Variants in KCNH5 observed in about 807,000 individuals in gnomAD.
The protein encoded by KCNH5 is potassium voltage-gated channel subfamily H member 5.
In KCNH5, 46 loss-of-function variants were observed where a neutral mutation model predicts 96.1. That is an observed-to-expected ratio of 0.48 (90% CI 0.38 to 0.61). The LOEUF is 0.61. Among genes scored for constraint, KCNH5 ranks in the 20% least tolerant of loss-of-function variants. The probability of loss-of-function intolerance (pLI) is 0.00; values close to 1 mark genes in which losing one functional copy is unlikely to be tolerated. For synonymous variants in KCNH5, 439 were observed against 449.8 expected, an observed-to-expected ratio of 0.98 and a Z score of 0.30; for missense variants, 907 against 1,225.8, an observed-to-expected ratio of 0.74 and a Z score of 3.88.
chr14:62,829,669 G>T (rs2140026193), intron 8 of KCNH5, among the ~76,000 whole-genome samples: 1 of 152,260 alleles, frequency 6.6e-6, no homozygotes, highest in Non-Finnish European at 1.5e-5. Context: ...CACTAAACCA[G>T]TTTTCCCTCC....
chr14:62,882,079 A>C (rs1477464233), intron 7 of KCNH5, among the ~76,000 whole-genome samples: 1 of 144,620 alleles, frequency 6.9e-6, no homozygotes, highest in Non-Finnish European at 1.5e-5. Flanking sequence ...GCCTGGGCTA[A>C]CATAGAGAAA....
At chr14:62,826,408 ATGTG>A (rs71451280) in intron 8 of KCNH5, among the ~76,000 whole-genome samples, 5,186 of 142,034 alleles carry the variant, frequency 0.037, 90 homozygotes, top group South Asian at 0.061. Flanking sequence ...GCGTGCGTGC[ATGTG>A]TGTGTGTGTG....
chr14:62,836,563 T>TTAA (rs1296686762), intron 8 of KCNH5, among the ~76,000 whole-genome samples: 1 of 152,130 alleles, frequency 6.6e-6, no homozygotes, highest in Non-Finnish European at 1.5e-5. Flanking sequence ...AAGCACAGTA[T>TTAA]GTTTAGGGAT....
At chr14:63,042,119 A>ATC (rs150106722) in intron 1 of KCNH5, among the ~76,000 whole-genome samples, 18,393 of 149,324 alleles carry the variant, frequency 0.12, 1,495 homozygotes, top group Middle Eastern at 0.18. Context: ...ATGTCCCATA[A>ATC]TCTCTCTCTC....
chr14:62,759,994 G>A (rs1464604641), intron 10 of KCNH5, among the ~76,000 whole-genome samples: 1 of 152,090 alleles, frequency 6.6e-6, no homozygotes, highest in Non-Finnish European at 1.5e-5. Context: ...TCTTCCCAGA[G>A]TGTGATTTCA....
intron 8 of KCNH5, among the ~76,000 whole-genome samples, chr14:62,837,889 T>C (rs1277429708): frequency 2.0e-5 from 3 of 152,198 alleles, no homozygotes; most frequent in Non-Finnish European, 2.9e-5. Flanking sequence ...AATTGTGTTA[T>C]TAGACAAGAG....
chr14:62,739,928 G>A (rs1207404702), intron 10 of KCNH5, among the ~76,000 whole-genome samples: 2 of 152,124 alleles, frequency 1.3e-5, no homozygotes, highest in Non-Finnish European at 2.9e-5. Flanking sequence ...ACAATGAAAT[G>A]TAAACCTTTC....
intron 4 of KCNH5, among the ~76,000 whole-genome samples, chr14:62,994,294 T>A (rs917034560): frequency 6.6e-6 from 1 of 152,092 alleles, no homozygotes; most frequent in Non-Finnish European, 1.5e-5. Flanking sequence ...GTCACAATTA[T>A]TGGCAAGAAA....
intron 9 of KCNH5, among the ~76,000 whole-genome samples, chr14:62,785,683 A>G (rs981312402): frequency 6.6e-6 from 1 of 152,250 alleles, no homozygotes; most frequent in Admixed American, 6.5e-5. Context: ...ATTGTAAAAC[A>G]GAAATAATTG....
At chr14:63,031,753 T>A (rs937096797) in intron 1 of KCNH5, among the ~76,000 whole-genome samples, 1 of 152,172 alleles carries the variant, frequency 6.6e-6, no homozygotes, top group African/African-American at 2.4e-5. Flanking sequence ...AGATTTTAGC[T>A]CTTACCACAC....
At chr14:62,900,064 T>A (rs754128978) in intron 7 of KCNH5, among the ~76,000 whole-genome samples, 1 of 152,170 alleles carries the variant, frequency 6.6e-6, no homozygotes, top group Non-Finnish European at 1.5e-5. Flanking sequence ...AATAGCATTC[T>A]CCATGTTTCA....
Position 62,708,117 on chromosome 14 carries a change from G to A in KCNH5, c.2358C>T (p.Pro786=). ...GACATTTTTGGTCAGCACCGCCGTT[G>A]GGCTTGAGTTCCATGGCATCACGGT... ...QNNRDAMELK[P]NGGADQKCLK... is the part of the protein sequence containing the mutation. The change falls in exon 11 of 11, where the codon CCC becomes CCT. Residue 786 remains proline, a synonymous_variant. Transcript: ENST00000322893. 1 of 1,614,198 alleles carries A rather than the reference G, an allele frequency of 6.2e-7. No homozygotes were observed. Among genetic ancestry groups the A allele is most frequent in the Non-Finnish European group, 8.5e-7 (1 of 1,180,038 alleles).
At chr14:62,817,219 TATATA>T (rs1221951362) in intron 8 of KCNH5, among the ~76,000 whole-genome samples, 11 of 137,364 alleles carry the variant, frequency 8.0e-5, no homozygotes, top group African/African-American at 1.3e-4. Context: ...TTATATATTA[TATATA>T]ATATAATACA....
intron 7 of KCNH5, among the ~76,000 whole-genome samples, chr14:62,899,648 C>T (rs574595760): frequency 2.6e-4 from 39 of 151,256 alleles, no homozygotes; most frequent in South Asian, 1.9e-3. Context: ...CGGCTAAAAA[C>T]GGTGAAACCC....
intron 1 of KCNH5, among the ~76,000 whole-genome samples, chr14:63,017,309 G>T (rs900990763): frequency 6.6e-6 from 1 of 151,770 alleles, no homozygotes; most frequent in Non-Finnish European, 1.5e-5. Context: ...TAAGATTAGG[G>T]CTATGGTCAC....
At chr14:62,764,087 G>A (rs1267972613) in intron 10 of KCNH5, among the ~76,000 whole-genome samples, 1 of 152,104 alleles carries the variant, frequency 6.6e-6, no homozygotes, top group Non-Finnish European at 1.5e-5. Flanking sequence ...GAAAACTGCA[G>A]GCCAACATTC....
chr14:62,764,753 G>T (rs1211469621), intron 10 of KCNH5, among the ~76,000 whole-genome samples: 1 of 152,076 alleles, frequency 6.6e-6, no homozygotes, highest in Non-Finnish European at 1.5e-5. Context: ...AATCAAGAAT[G>T]CAATCCCACT....
intron 8 of KCNH5, among the ~76,000 whole-genome samples, chr14:62,848,879 A>G (rs985930434): frequency 1.2e-4 from 18 of 152,232 alleles, no homozygotes; most frequent in Non-Finnish European, 2.4e-4. Context: ...TTTATAAAGT[A>G]AAATAGCTCA....
intron 10 of KCNH5, among the ~76,000 whole-genome samples, chr14:62,755,007 G>C (rs1194435048): frequency 5.3e-5 from 6 of 113,460 alleles, no homozygotes; most frequent in Non-Finnish European, 1.2e-4. Context: ...AAAAAAGAAG[G>C]CAAGCTTCCC....
Sources: gnomAD v4.1 joint callset for allele counts (sites outside exome capture counted in the v4.1 genomes callset) on GRCh38, gnomAD v4.1.1 for gene constraint, MANE v1.5 for transcripts, NCBI Gene and HGNC (gene_info 2026-07-23, HGNC 2026-07-21) for gene names.